Variants in FSTL5 observed in about 807,000 individuals in gnomAD.
The protein encoded by FSTL5 is follistatin-related protein 5.
FSTL5 carries 62 observed loss-of-function variants against 89.1 expected under a neutral mutation model. The observed-to-expected ratio is 0.70, with a 90% CI of 0.57 to 0.86. FSTL5 has a LOEUF of 0.86. FSTL5 is among the 40% of genes least tolerant of loss of function. The pLI, the probability that FSTL5 is intolerant of heterozygous loss-of-function variation, is 0.00. For missense variants in FSTL5, 1,057 were observed against 1,001.6 expected (o/e 1.06, Z -0.75); for synonymous variants, 383 against 346.2 (o/e 1.11, Z -1.18).
At chr4:161,459,076 C>A (rs1461271411) in intron 14 of FSTL5, 136 bp downstream of exon 14, 1 of 580,982 alleles carries the variant, frequency 1.7e-6, no homozygotes, top group East Asian at 2.9e-5. Flanking sequence ...TTGCCTTTTT[C>A]TGTGCCTATC....
chr4:161,793,719 C>T (rs1729546506), intron 4 of FSTL5, among the ~76,000 whole-genome samples: 1 of 152,030 alleles, frequency 6.6e-6, no homozygotes. Flanking sequence ...AGCAATTCTC[C>T]TGCCTCAGCT....
At chr4:161,473,623 C>T (rs1394440873) in intron 13 of FSTL5, among the ~76,000 whole-genome samples, 1 of 151,948 alleles carries the variant, frequency 6.6e-6, no homozygotes, top group Non-Finnish European at 1.5e-5. Flanking sequence ...AGAGAGACAC[C>T]ATCTCACTAT....
chr4:162,126,582 G>T (rs1275164918), intron 1 of FSTL5, among the ~76,000 whole-genome samples: 1 of 151,866 alleles, frequency 6.6e-6, no homozygotes, highest in Non-Finnish European at 1.5e-5. Context: ...ATAATCTAAT[G>T]TGTATAATCT....
At chr4:162,089,274 A>G (rs1005554282) in intron 2 of FSTL5, among the ~76,000 whole-genome samples, 1 of 152,104 alleles carries the variant, frequency 6.6e-6, no homozygotes, top group South Asian at 2.1e-4. Flanking sequence ...AACACCGACT[A>G]AGACACCAAG....
intron 12 of FSTL5, among the ~76,000 whole-genome samples, chr4:161,492,154 T>C (rs780536589): frequency 6.6e-6 from 1 of 152,134 alleles, no homozygotes; most frequent in Non-Finnish European, 1.5e-5. Flanking sequence ...GTGTCCTCAG[T>C]GTACATCTGT....
At chr4:161,834,652 C>T (rs989378064) in intron 4 of FSTL5, among the ~76,000 whole-genome samples, 1 of 152,004 alleles carries the variant, frequency 6.6e-6, no homozygotes, top group African/African-American at 2.4e-5. Flanking sequence ...TTCTTATACA[C>T]CAATAACAGA....
chr4:162,052,584 G>T (rs1349571249), intron 2 of FSTL5, among the ~76,000 whole-genome samples: 1 of 151,714 alleles, frequency 6.6e-6, no homozygotes, highest in East Asian at 1.9e-4. Flanking sequence ...GAGAGAGGAT[G>T]ACCATCAGAG....
chr4:161,534,164 T>C (rs1325194156), intron 10 of FSTL5, among the ~76,000 whole-genome samples: 3 of 152,026 alleles, frequency 2.0e-5, no homozygotes, highest in African/African-American at 4.8e-5. Flanking sequence ...TCTTGAGAAC[T>C]GGAACAAGAA....
intron 5 of FSTL5, among the ~76,000 whole-genome samples, chr4:161,763,141 A>G (rs1740865988): frequency 6.6e-6 from 1 of 152,142 alleles, no homozygotes. Context: ...TCAATCATCC[A>G]TTCAACAAAT....
intron 4 of FSTL5, among the ~76,000 whole-genome samples, chr4:161,885,211 A>T (rs1732768712): frequency 6.6e-6 from 1 of 152,186 alleles, no homozygotes; most frequent in Admixed American, 6.5e-5. Context: ...CAGAAATTTT[A>T]AAAGTTAAAT....
intron 3 of FSTL5, among the ~76,000 whole-genome samples, chr4:162,032,276 G>T (rs1424061443): frequency 6.6e-6 from 1 of 152,114 alleles, no homozygotes; most frequent in Non-Finnish European, 1.5e-5. Flanking sequence ...TGAGAAGGAA[G>T]ATGCATACTC....
chr4:161,416,074 C>T (rs758076650), intron 15 of FSTL5, among the ~76,000 whole-genome samples: 1 of 151,930 alleles, frequency 6.6e-6, no homozygotes, highest in Admixed American at 6.6e-5. Flanking sequence ...ATTCATCAAC[C>T]TATATAGATG....
chr4:161,547,917 A>G (rs1450239970), intron 8 of FSTL5, among the ~76,000 whole-genome samples: 1 of 151,890 alleles, frequency 6.6e-6, no homozygotes, highest in African/African-American at 2.4e-5. Flanking sequence ...ATATTTTAAG[A>G]TTAATAAAGC....
At chr4:161,429,849 A>G (rs1167613454) in intron 15 of FSTL5, among the ~76,000 whole-genome samples, 1 of 152,168 alleles carries the variant, frequency 6.6e-6, no homozygotes, top group Non-Finnish European at 1.5e-5. Context: ...ATTGGCAAGC[A>G]TCAATACCAC....
At chr4:161,540,538 C>T in intron 9 of FSTL5, among the ~76,000 whole-genome samples, 1 of 152,026 alleles carries the variant, frequency 6.6e-6, no homozygotes, top group East Asian at 1.9e-4. Context: ...CTGTTTCTTT[C>T]CAAGGCAAAT....
chr4:161,872,147 T>TTG (rs1553974286), intron 4 of FSTL5, among the ~76,000 whole-genome samples: 1,591 of 134,918 alleles, frequency 0.012, 56 homozygotes, highest in Non-Finnish European at 0.019. Flanking sequence ...TTTGGTTTTT[T>TTG]TTTTTTTTTT....
chr4:161,701,107 T>G (rs555926156), intron 6 of FSTL5, among the ~76,000 whole-genome samples: 1 of 152,306 alleles, frequency 6.6e-6, no homozygotes, highest in South Asian at 2.1e-4. Context: ...GAATTAAGCT[T>G]TTATTCTTTT....
chr4:161,734,728 C>A (rs1268974169), intron 6 of FSTL5, among the ~76,000 whole-genome samples: 3 of 152,132 alleles, frequency 2.0e-5, no homozygotes, highest in African/African-American at 7.2e-5. Flanking sequence ...GCTGTCACAC[C>A]AAAGCAATCA....
At chr4:162,063,784 C>T (rs1026620892) in intron 2 of FSTL5, among the ~76,000 whole-genome samples, 1 of 151,826 alleles carries the variant, frequency 6.6e-6, no homozygotes, top group Non-Finnish European at 1.5e-5. Flanking sequence ...CAGGTCATTT[C>T]CCTTGAATTA....
Sources: allele counts gnomAD v4.1 joint callset (sites outside exome capture counted in the v4.1 genomes callset), GRCh38; gene constraint gnomAD v4.1.1; transcripts MANE v1.5; gene names NCBI Gene and HGNC (gene_info 2026-07-23, HGNC 2026-07-21).